CD99L2: variants seen among roughly 807,000 people sequenced by gnomAD.
CD99L2 encodes CD99 molecule like 2.
CD99L2 carries 24 observed loss-of-function variants against 27.3 expected under a neutral mutation model. That is an observed-to-expected ratio of 0.88 (90% CI 0.64 to 1.24). The LOEUF (loss-of-function observed/expected upper bound fraction) is 1.24, where lower values mean the gene tolerates loss of function less well. Among genes scored for constraint, CD99L2 ranks in the 50% most tolerant of loss-of-function variants. The probability of loss-of-function intolerance (pLI) is 0.00; values close to 1 mark genes in which losing one functional copy is unlikely to be tolerated. For synonymous variants in CD99L2, 97 were observed against 87.9 expected (o/e 1.10, Z -0.58); for missense variants, 255 against 221.6 (o/e 1.15, Z -0.96).
chrX:150,777,329 C>T lies in CD99L2; in HGVS notation c.535+115G>A, dbSNP rs1357927067. ...TTATTTAGGAGTAGAATGGGAGGCA[C>T]GTTTGCCTGATGCAGTTTCTAGCTT... On this transcript the variant is annotated intron_variant, in intron 8 of 10. Coordinates refer to ENST00000370377, the MANE Select transcript of CD99L2 (RefSeq NM_031462.4). 74 of 905,268 alleles carry T rather than the reference C, an allele frequency of 8.2e-5. No homozygotes were observed. In the South Asian group the frequency reaches 1.3e-3, roughly 16 times the overall value. 74.6% of individuals were successfully genotyped at this position (905,268 alleles called of 1,213,427 possible).
At chrX:150,834,931 C>T (rs1423110076) in intron 1 of CD99L2, among the ~76,000 whole-genome samples, 1 of 112,325 alleles carries the variant, frequency 8.9e-6, no homozygotes, top group Non-Finnish European at 1.9e-5. Context: ...AATTCTGTCA[C>T]TCATGACAAT....
chrX:150,898,058 C>A (rs112863704), intron 1 of CD99L2, among the ~76,000 whole-genome samples: 4 of 14,127 alleles, frequency 2.8e-4, no homozygotes, highest in Non-Finnish European at 4.9e-4. Flanking sequence ...TCGCTGACCC[C>A]CCCCCCCCCC....
chrX:150,815,139 T>C (rs782639257), intron 3 of CD99L2, among the ~76,000 whole-genome samples: 1 of 112,725 alleles, frequency 8.9e-6, no homozygotes, highest in Non-Finnish European at 1.9e-5. Flanking sequence ...TACTACTTTC[T>C]GACTTTGCAG....
In CD99L2 at chrX:150,778,185, C is replaced by A. The variant is rs2045435279; in HGVS notation, c.497-703G>T. Among the ~76,000 whole-genome samples, 4 of 110,157 alleles carry A rather than the reference C, an allele frequency of 3.6e-5. No homozygotes were observed. In the South Asian group the frequency reaches 1.6e-3, roughly 43 times the overall value. ...AGAGAGTTAAATTCACACACGCACA[C>A]ACACACGCACGCACCCCTTCCACAG... On this transcript the variant is annotated intron_variant, in intron 7 of 10. Coordinates refer to ENST00000370377, the MANE Select transcript of CD99L2 (RefSeq NM_031462.4).
chrX:150,833,554 T>G (rs2124245457), intron 1 of CD99L2, among the ~76,000 whole-genome samples: 1 of 112,009 alleles, frequency 8.9e-6, no homozygotes, highest in African/African-American at 3.2e-5. Context: ...GATTTCAAAA[T>G]ATATTATAAA....
chrX:150,869,330 A>G (rs1487947941), intron 1 of CD99L2, among the ~76,000 whole-genome samples: 1 of 111,207 alleles, frequency 9.0e-6, no homozygotes, highest in African/African-American at 3.3e-5. Context: ...CCTTCCCCTC[A>G]CCACCCACAT....
intron 1 of CD99L2, among the ~76,000 whole-genome samples, chrX:150,866,584 A>C (rs995727060): frequency 4.5e-5 from 5 of 111,698 alleles, no homozygotes; most frequent in African/African-American, 3.3e-5. Context: ...AAAAAAAATT[A>C]AACTTTAAAA....
At chrX:150,769,778 G>A (rs930962260) in intron 10 of CD99L2, among the ~76,000 whole-genome samples, 4 of 107,293 alleles carry the variant, frequency 3.7e-5, no homozygotes, top group Non-Finnish European at 5.6e-5. Flanking sequence ...CGAGCAGTTG[G>A]GCACTCTAGG....
intron 1 of CD99L2, among the ~76,000 whole-genome samples, chrX:150,882,567 A>G (rs993418490): frequency 9.1e-5 from 10 of 109,683 alleles, no homozygotes; most frequent in Non-Finnish European, 1.9e-4. Context: ...TCTACTAAAA[A>G]TACTAAAAAT....
chrX:150,773,968 G>A (rs868993373), intron 9 of CD99L2, among the ~76,000 whole-genome samples: 6 of 111,370 alleles, frequency 5.4e-5, no homozygotes, highest in African/African-American at 1.6e-4. Flanking sequence ...ACCTAGAAGG[G>A]GAAATCATCA....
chrX:150,886,599 A>C (rs1557422632), intron 1 of CD99L2, among the ~76,000 whole-genome samples: 1 of 112,711 alleles, frequency 8.9e-6, no homozygotes, highest in African/African-American at 3.2e-5. Flanking sequence ...TAAGCAAGGC[A>C]TGGCTGTATC....
intron 1 of CD99L2, among the ~76,000 whole-genome samples, chrX:150,844,426 A>G (rs190438709): frequency 6.8e-4 from 76 of 111,628 alleles, no homozygotes; most frequent in Non-Finnish European, 1.2e-3. Context: ...TAACACAAAC[A>G]AGTAGGTATC....
chrX:150,859,243 G>A (rs2046936998), intron 1 of CD99L2, among the ~76,000 whole-genome samples: 1 of 111,804 alleles, frequency 8.9e-6, no homozygotes, highest in African/African-American at 3.2e-5. Flanking sequence ...GCTCACGCCT[G>A]TAATCCCAGC....
chrX:150,869,965 T>C (rs782226057), intron 1 of CD99L2, among the ~76,000 whole-genome samples: 3 of 111,329 alleles, frequency 2.7e-5, no homozygotes, highest in Non-Finnish European at 5.7e-5. Context: ...GCATTTGATT[T>C]CATAAGTATT....
chrX:150,768,148 C>G lies in CD99L2; in HGVS notation c.*886G>C, dbSNP rs2043342178. On this transcript the variant is annotated 3_prime_UTR_variant, in exon 11 of 11. Coordinates refer to ENST00000370377, the MANE Select transcript of CD99L2 (RefSeq NM_031462.4). ...CAGGATTCTGGCTTTGATGCTCGTT[C>G]TTGACATCGGTCACTCTTGCTACCA... 8.9e-6 allele frequency: 1 copy of G among 111,817 alleles called. No individual in the cohort carries two copies. The highest frequency in any genetic ancestry group is 3.3e-5 in the African/African-American group (1 of 30,696). 9.2% of individuals were successfully genotyped at this position (111,817 alleles called of 1,213,427 possible).
chrX:150,880,271 A>G (rs1303430227), intron 1 of CD99L2, among the ~76,000 whole-genome samples: 1 of 112,478 alleles, frequency 8.9e-6, no homozygotes, highest in Non-Finnish European at 1.9e-5. Context: ...CACCATTCAT[A>G]GCAGCTGCAA....
chrX:150,817,103 C>T (rs1203581372), intron 2 of CD99L2, among the ~76,000 whole-genome samples: 1 of 97,372 alleles, frequency 1.0e-5, no homozygotes, highest in African/African-American at 3.7e-5. Flanking sequence ...TGCTAAATGA[C>T]GAGTTAATGG....
rs569196832 is a variant in CD99L2, at chrX:150,868,700, T to C, written c.67+29822A>G. 1.2e-3 allele frequency among the ~76,000 whole-genome samples: 130 copies of C among 112,186 alleles called. 1 individual carries two copies. In the South Asian group the frequency reaches 0.047, roughly 40 times the overall value. Reference sequence around the variant, plus strand: ...TATCCTCGAATCCACTTTTTACTTCTATGAGATTAACTTTATTTAGCTTCC... The same window carrying C: ...TATCCTCGAATCCACTTTTTACTTCCATGAGATTAACTTTATTTAGCTTCC... On this transcript the variant is annotated intron_variant, in intron 1 of 10. Transcript: ENST00000370377.
At chrX:150,872,997 C>T (rs1557422226) in intron 1 of CD99L2, among the ~76,000 whole-genome samples, 1 of 111,557 alleles carries the variant, frequency 9.0e-6, no homozygotes, top group Non-Finnish European at 1.9e-5. Flanking sequence ...CCCATCCTCC[C>T]AGCCAGCTCT....
Sources: allele counts gnomAD v4.1 joint callset (sites outside exome capture counted in the v4.1 genomes callset), GRCh38; gene constraint gnomAD v4.1.1; transcripts MANE v1.5; gene names NCBI Gene and HGNC (gene_info 2026-07-23, HGNC 2026-07-21).